GSK3B: variants seen among roughly 807,000 people sequenced by gnomAD.
The protein encoded by GSK3B is glycogen synthase kinase 3 beta, also known as glycogen synthase kinase-3 beta.
GSK3B carries 15 observed loss-of-function variants against 56.4 expected under a neutral mutation model. That is an observed-to-expected ratio of 0.27 (90% CI 0.18 to 0.41). The LOEUF (loss-of-function observed/expected upper bound fraction) is 0.41. GSK3B is among the 10% of genes least tolerant of loss of function. The probability of loss-of-function intolerance (pLI) is 1.00; values close to 1 mark genes in which losing one functional copy is unlikely to be tolerated. For missense variants in GSK3B, 300 were observed against 513.4 expected (o/e 0.58, Z 4.02); for synonymous variants, 181 against 188.9 (o/e 0.96, Z 0.34).
At chr3:119,928,482 G>A (rs2056909336) in intron 3 of GSK3B, among the ~76,000 whole-genome samples, 3 of 151,820 alleles carry the variant, frequency 2.0e-5, no homozygotes, top group Admixed American at 2.0e-4. Flanking sequence ...GCAGGTGCCT[G>A]TAGTCCTAGC....
chr3:119,983,984 G>A (rs560911874), intron 2 of GSK3B, among the ~76,000 whole-genome samples: 16 of 152,146 alleles, frequency 1.1e-4, no homozygotes, highest in Admixed American at 1.0e-3. Flanking sequence ...AATGTAAAAG[G>A]ACAGAAAGCA....
At chr3:119,844,216 G>A (rs1287869956) in intron 9 of GSK3B, among the ~76,000 whole-genome samples, 1 of 152,080 alleles carries the variant, frequency 6.6e-6, no homozygotes, top group African/African-American at 2.4e-5. Flanking sequence ...ATGCCCACAG[G>A]AGAAAGCAGG....
intron 2 of GSK3B, among the ~76,000 whole-genome samples, chr3:119,964,742 T>C (rs2057303715): frequency 6.6e-6 from 1 of 152,144 alleles, no homozygotes; most frequent in African/African-American, 2.4e-5. Flanking sequence ...GTAAATGTCA[T>C]GTCAAATATT....
chr3:119,928,816 T>C (rs1281813288), intron 3 of GSK3B, among the ~76,000 whole-genome samples: 2 of 152,088 alleles, frequency 1.3e-5, no homozygotes, highest in Non-Finnish European at 2.9e-5. Context: ...ATTTAACCTC[T>C]CTAAGCATCA....
intron 2 of GSK3B, among the ~76,000 whole-genome samples, chr3:119,980,330 C>A (rs1489865486): frequency 1.3e-5 from 2 of 152,110 alleles, no homozygotes; most frequent in Non-Finnish European, 2.9e-5. Flanking sequence ...ACTAACTCAG[C>A]CCAAACAAAA....
intron 1 of GSK3B, among the ~76,000 whole-genome samples, chr3:120,020,365 TG>T (rs1354532362): frequency 1.3e-5 from 2 of 152,228 alleles, no homozygotes; most frequent in Non-Finnish European, 2.9e-5. Flanking sequence ...GCAGAAATTA[TG>T]TTTTTTTACA....
At chr3:120,039,209 T>C (rs2058046434) in intron 1 of GSK3B, among the ~76,000 whole-genome samples, 1 of 152,148 alleles carries the variant, frequency 6.6e-6, no homozygotes, top group African/African-American at 2.4e-5. Context: ...CTGATGAAAA[T>C]GTGAGGCAAC....
intron 2 of GSK3B, among the ~76,000 whole-genome samples, chr3:119,998,006 A>C (rs1456561084): frequency 6.6e-6 from 1 of 152,250 alleles, no homozygotes; most frequent in African/African-American, 2.4e-5. Context: ...ATTATTTATA[A>C]GCAAGATAGA....
intron 1 of GSK3B, among the ~76,000 whole-genome samples, chr3:120,013,051 T>C (rs996905591): frequency 6.6e-5 from 10 of 152,110 alleles, no homozygotes; most frequent in African/African-American, 2.2e-4. Context: ...ACACACAGCC[T>C]AGTTCTCAAT....
At chr3:120,068,595 G>C (rs985406008) in intron 1 of GSK3B, among the ~76,000 whole-genome samples, 3 of 150,742 alleles carry the variant, frequency 2.0e-5, no homozygotes, top group African/African-American at 7.3e-5. Flanking sequence ...AGCTACTCGG[G>C]AGGCTGAGGC....
At chr3:119,974,111 G>A (rs570154089) in intron 2 of GSK3B, among the ~76,000 whole-genome samples, 12 of 152,170 alleles carry the variant, frequency 7.9e-5, no homozygotes, top group Non-Finnish European at 1.8e-4. Context: ...TTGGTAAGTT[G>A]AACTTCGTTA....
chr3:119,959,139 T>C (rs1387339837), intron 2 of GSK3B, among the ~76,000 whole-genome samples: 1 of 152,212 alleles, frequency 6.6e-6, no homozygotes, highest in African/African-American at 2.4e-5. Context: ...AATTTGCAGT[T>C]TTCTTTGCTA....
At chr3:120,032,329 G>C (rs947949082) in intron 1 of GSK3B, among the ~76,000 whole-genome samples, 2 of 151,974 alleles carry the variant, frequency 1.3e-5, no homozygotes, top group African/African-American at 2.4e-5. Context: ...ACAAAAATTA[G>C]CCAAGGGTAG....
chr3:120,067,008 GA>G (rs36091575), intron 1 of GSK3B, among the ~76,000 whole-genome samples: 254 of 150,918 alleles, frequency 1.7e-3, no homozygotes, highest in African/African-American at 5.9e-3. Flanking sequence ...AGCTGATGAA[GA>G]AAAAAAAATT....
At chr3:119,976,878 T>C (rs1041654707) in intron 2 of GSK3B, among the ~76,000 whole-genome samples, 2 of 151,296 alleles carry the variant, frequency 1.3e-5, no homozygotes, top group Non-Finnish European at 2.9e-5. Flanking sequence ...ATATGGGAAT[T>C]TGAAACAGTA....
At chr3:120,054,298 C>T in intron 1 of GSK3B, among the ~76,000 whole-genome samples, 1 of 152,254 alleles carries the variant, frequency 6.6e-6, no homozygotes, top group African/African-American at 2.4e-5. Context: ...CTGTACTCCA[C>T]CAGCTTCATA....
intron 3 of GSK3B, among the ~76,000 whole-genome samples, chr3:119,938,882 A>G (rs1180423857): frequency 2.0e-5 from 3 of 152,152 alleles, no homozygotes; most frequent in African/African-American, 4.8e-5. Context: ...AAATCTACAT[A>G]GCCAACTTCA....
chr3:120,074,132 C>G (rs1025717820), intron 1 of GSK3B, among the ~76,000 whole-genome samples: 3 of 151,958 alleles, frequency 2.0e-5, no homozygotes, highest in Admixed American at 6.6e-5. Flanking sequence ...TGGTGAAACA[C>G]TCTCTCTACA....
intron 2 of GSK3B, among the ~76,000 whole-genome samples, chr3:120,000,599 T>C (rs2057666110): frequency 6.6e-6 from 1 of 152,070 alleles, no homozygotes; most frequent in African/African-American, 2.4e-5. Context: ...TTGCAGAGGT[T>C]GGAAGAGTAG....
Sources: gnomAD v4.1 joint callset for allele counts (sites outside exome capture counted in the v4.1 genomes callset) on GRCh38, gnomAD v4.1.1 for gene constraint, MANE v1.5 for transcripts, NCBI Gene and HGNC (gene_info 2026-07-23, HGNC 2026-07-21) for gene names.